The following STXBP6 variants were observed in gnomAD, a reference collection of about 807,000 sequenced individuals.
The protein encoded by STXBP6 is syntaxin binding protein 6, also known as syntaxin-binding protein 6.
In STXBP6, 21 loss-of-function variants were observed where a neutral mutation model predicts 26.9. The observed-to-expected ratio is 0.78, with a 90% CI of 0.55 to 1.12. The LOEUF (loss-of-function observed/expected upper bound fraction) is 1.12, where lower values mean the gene tolerates loss of function less well. Ranked by LOEUF, STXBP6 falls within the 50% of genes most tolerant of loss-of-function variation. STXBP6 has a pLI of 0.00. For synonymous variants in STXBP6, 97 were observed against 92.6 expected (o/e 1.05, Z -0.27); for missense variants, 232 against 257.9 (o/e 0.90, Z 0.69).
chr14:24,870,199 A>G (rs888081358), intron 2 of STXBP6, among the ~76,000 whole-genome samples: 1 of 152,186 alleles, frequency 6.6e-6, no homozygotes. Context: ...TGAGGCAGAA[A>G]TCATCAACTC....
chr14:24,828,502 G>T (rs373260096), intron 4 of STXBP6, among the ~76,000 whole-genome samples: 8 of 152,218 alleles, frequency 5.3e-5, no homozygotes, highest in African/African-American at 1.7e-4. Context: ...TGGGTATTTT[G>T]TTTAAGTATT....
intron 2 of STXBP6, among the ~76,000 whole-genome samples, chr14:24,865,960 G>A (rs905104641): frequency 9.9e-5 from 15 of 152,176 alleles, no homozygotes; most frequent in African/African-American, 4.8e-5. Context: ...ATAACTAAAC[G>A]AAACCACTAA....
At chr14:25,016,225 G>T (rs2075144509) in intron 1 of STXBP6, among the ~76,000 whole-genome samples, 1 of 152,018 alleles carries the variant, frequency 6.6e-6, no homozygotes, top group Non-Finnish European at 1.5e-5. Context: ...AGGAAAAAAA[G>T]ATTTTTACAA....
At chr14:24,951,437 C>T (rs146591566) in intron 2 of STXBP6, among the ~76,000 whole-genome samples, 3,228 of 152,152 alleles carry the variant, frequency 0.021, 72 homozygotes, top group East Asian at 0.11. Flanking sequence ...GAGATGGCAT[C>T]TCATTGTGGT....
intron 5 of STXBP6, among the ~76,000 whole-genome samples, chr14:24,814,479 G>C: frequency 6.6e-6 from 1 of 152,148 alleles, no homozygotes; most frequent in East Asian, 1.9e-4. Flanking sequence ...TCAACTAATG[G>C]GCTTGTGCCA....
At chr14:24,989,672 T>G (rs981348928) in intron 1 of STXBP6, among the ~76,000 whole-genome samples, 1 of 152,200 alleles carries the variant, frequency 6.6e-6, no homozygotes, top group Non-Finnish European at 1.5e-5. Flanking sequence ...ACTGTCTTCA[T>G]GCTTAATTAA....
intron 2 of STXBP6, among the ~76,000 whole-genome samples, chr14:24,960,159 T>C (rs573185339): frequency 1.3e-5 from 2 of 152,280 alleles, no homozygotes; most frequent in South Asian, 2.1e-4. Context: ...TAGAAAGCCA[T>C]GGAATCTGGG....
At chr14:24,943,512 T>A (rs1295893347) in intron 2 of STXBP6, among the ~76,000 whole-genome samples, 1 of 152,230 alleles carries the variant, frequency 6.6e-6, no homozygotes, top group Non-Finnish European at 1.5e-5. Flanking sequence ...AACCTTAAAT[T>A]TTCACATTTT....
chr14:25,017,507 A>C (rs1194342726), intron 1 of STXBP6, among the ~76,000 whole-genome samples: 1 of 152,238 alleles, frequency 6.6e-6, no homozygotes, highest in Non-Finnish European at 1.5e-5. Flanking sequence ...TCCAAAGGGC[A>C]GGGAATACCA....
intron 2 of STXBP6, among the ~76,000 whole-genome samples, chr14:24,897,812 T>C (rs1184716928): frequency 2.6e-5 from 4 of 152,162 alleles, no homozygotes; most frequent in Non-Finnish European, 5.9e-5. Flanking sequence ...TGTTCTATTT[T>C]CTATGACCAC....
intron 2 of STXBP6, among the ~76,000 whole-genome samples, chr14:24,886,283 C>T (rs2070584176): frequency 6.6e-6 from 1 of 152,124 alleles, no homozygotes; most frequent in Admixed American, 6.6e-5. Context: ...GCTTTGGAGT[C>T]AAAAAGACCC....
At chr14:24,828,575 A>T (rs1052112538) in intron 4 of STXBP6, among the ~76,000 whole-genome samples, 2 of 152,200 alleles carry the variant, frequency 1.3e-5, no homozygotes, top group African/African-American at 4.8e-5. Flanking sequence ...CAAATACAGA[A>T]AACTACGAGT....
intron 2 of STXBP6, among the ~76,000 whole-genome samples, chr14:24,934,473 A>G (rs1483564365): frequency 6.6e-6 from 1 of 152,196 alleles, no homozygotes; most frequent in African/African-American, 2.4e-5. Flanking sequence ...ATTCTCAAAC[A>G]TGAAAGAACG....
Position 25,049,783 on chromosome 14 carries a change from A to C in STXBP6, c.-33+95T>G. The stretch of plus-strand genomic sequence containing the variant: ...CCTCACAGCCACCCGCCTCGGACGG[A>C]GCGCCAGGCGCCCCAACAGCCGTGG... On this transcript the variant is annotated intron_variant, in intron 1 of 5. Coordinates refer to ENST00000323944, the MANE Select transcript of STXBP6 (RefSeq NM_001394410.1). This position sits in a 1 kb window ranked among gnomAD's most constrained non-coding sequence, Gnocchi z 5.6. 1 of 985,544 alleles carries C rather than the reference A, an allele frequency of 1.0e-6. No individual in the cohort carries two copies. The highest frequency in any genetic ancestry group is 5.2e-4 in the Middle Eastern group (1 of 1,920). The allele number at this position is 985,544 out of a possible 1,614,324, so 61.0% of individuals were successfully genotyped here.
intron 2 of STXBP6, among the ~76,000 whole-genome samples, chr14:24,899,803 A>AAAAAAAAAAAAAGC (rs2071144577): frequency 1.2e-5 from 1 of 80,118 alleles, no homozygotes; most frequent in Non-Finnish European, 2.2e-5. Flanking sequence ...AAAAAAAGCA[A>AAAAAAAAAAAAAGC]AAAAAAAAAA....
intron 4 of STXBP6, among the ~76,000 whole-genome samples, chr14:24,853,872 A>AGAAGCAGTGTGGTGGGGCTGTGTGG: frequency 6.6e-6 from 1 of 152,104 alleles, no homozygotes; most frequent in Non-Finnish European, 1.5e-5. Context: ...AATGATGGAC[A>AGAAGCAGTGTGGTGGGGCTGTGTGG]GAAGCAGTGT....
At chr14:25,031,491 A>G (rs2140467813) in intron 1 of STXBP6, among the ~76,000 whole-genome samples, 1 of 152,324 alleles carries the variant, frequency 6.6e-6, no homozygotes, top group East Asian at 1.9e-4. Context: ...TGATATTGCA[A>G]TATACATAGA....
chr14:24,929,292 T>C (rs2072294237), intron 2 of STXBP6, among the ~76,000 whole-genome samples: 2 of 152,188 alleles, frequency 1.3e-5, no homozygotes, highest in African/African-American at 4.8e-5. Flanking sequence ...ACACTTACCC[T>C]TGCATTTTCC....
chr14:24,963,685 T>G (rs2073626410), intron 2 of STXBP6, among the ~76,000 whole-genome samples: 1 of 152,166 alleles, frequency 6.6e-6, no homozygotes, highest in African/African-American at 2.4e-5. Context: ...TATTAAATGA[T>G]CACTTGTTAC....
Sources: allele counts gnomAD v4.1 joint callset (sites outside exome capture counted in the v4.1 genomes callset), GRCh38; gene constraint gnomAD v4.1.1; non-coding constraint Gnocchi (gnomAD v3.1); transcripts MANE v1.5; gene names NCBI Gene and HGNC (gene_info 2026-07-23, HGNC 2026-07-21).